The following TNKS2 variants were observed in gnomAD, a reference collection of about 807,000 sequenced individuals.
TNKS2 encodes the protein tankyrase 2.
A neutral mutation model predicts 137.6 loss-of-function variants in TNKS2; 72 were observed. The ratio of observed to expected loss-of-function variants is 0.52; its 90% CI spans 0.43 to 0.64. The LOEUF is 0.64. Ranked by LOEUF, TNKS2 falls within the 30% of genes least tolerant of loss-of-function variation. The pLI is 0.00. For missense variants in TNKS2, 1,049 were observed against 1,410.2 expected (o/e 0.74, Z 4.10); for synonymous variants, 516 against 512.1 (o/e 1.01, Z -0.10).
intron 16 of TNKS2, among the ~76,000 whole-genome samples, chr10:91,842,962 A>G (rs1395412631): frequency 6.6e-6 from 1 of 152,166 alleles, no homozygotes; most frequent in Non-Finnish European, 1.5e-5. Flanking sequence ...GGGAATCATT[A>G]TTCCAGGTAA....
intron 23 of TNKS2, 72 bp downstream of exon 23, chr10:91,855,760 T>A (rs1315594698): frequency 1.8e-6 from 2 of 1,124,186 alleles, no homozygotes; most frequent in South Asian, 2.8e-5. Flanking sequence ...GTAACTTTCA[T>A]AAGAATCTAA....
intron 19 of TNKS2, 45 bp downstream of exon 19, chr10:91,848,680 C>A (rs779141317): frequency 6.3e-7 from 1 of 1,593,300 alleles, no homozygotes; most frequent in Non-Finnish European, 8.5e-7. Flanking sequence ...TATTGTAGCC[C>A]CGTATTTGTC....
At chr10:91,860,891 C>T (rs1050288846) in intron 25 of TNKS2, among the ~76,000 whole-genome samples, 3 of 152,090 alleles carry the variant, frequency 2.0e-5, no homozygotes, top group Admixed American at 2.0e-4. Context: ...TTGAACACTG[C>T]TGTTTTTATT....
At chr10:91,851,364 C>T (rs372515078) in intron 21 of TNKS2, 28 bp downstream of exon 21, 152 of 1,603,362 alleles carry the variant, frequency 9.5e-5, no homozygotes, top group Non-Finnish European at 1.2e-4. Flanking sequence ...TTGCTGTTGT[C>T]AGTTTAACAG....
At chr10:91,799,574 A>G (rs138713475) in intron 1 of TNKS2, among the ~76,000 whole-genome samples, 58 of 152,376 alleles carry the variant, frequency 3.8e-4, no homozygotes, top group Middle Eastern at 3.4e-3. Context: ...GCTTGAATCT[A>G]GAATTTAAGT....
At chr10:91,822,200 TTAAG>T in intron 6 of TNKS2, 92 bp from the exon 7 acceptor site, 1 of 944,142 alleles carries the variant, frequency 1.1e-6, no homozygotes, top group Non-Finnish European at 1.6e-6. Context: ...CATTTGCTAT[TTAAG>T]TATAAGTAAT....
At chr10:91,844,805 C>A in intron 16 of TNKS2, 114 bp from the exon 17 acceptor site, 1 of 584,868 alleles carries the variant, frequency 1.7e-6, no homozygotes, top group Non-Finnish European at 2.9e-6. Flanking sequence ...CTTATAAATA[C>A]ATATATATAT....
At chr10:91,824,939 T>G (rs1017975551) in intron 7 of TNKS2, among the ~76,000 whole-genome samples, 2 of 152,168 alleles carry the variant, frequency 1.3e-5, no homozygotes, top group Admixed American at 1.3e-4. Flanking sequence ...TAAGTATAAA[T>G]TATAATGTGA....
intron 11 of TNKS2, among the ~76,000 whole-genome samples, chr10:91,832,562 A>C (rs1298294019): frequency 6.6e-6 from 1 of 151,556 alleles, no homozygotes; most frequent in Non-Finnish European, 1.5e-5. Flanking sequence ...TTTTAAATCC[A>C]TTTTTCAGGC....
intron 21 of TNKS2, among the ~76,000 whole-genome samples, chr10:91,853,899 A>G (rs949846337): frequency 6.6e-6 from 1 of 152,234 alleles, no homozygotes; most frequent in Non-Finnish European, 1.5e-5. Flanking sequence ...CTACATGGGA[A>G]AACAGCAGTG....
At chr10:91,860,710 C>T (rs891456622) in intron 25 of TNKS2, among the ~76,000 whole-genome samples, 7 of 152,124 alleles carry the variant, frequency 4.6e-5, no homozygotes, top group Non-Finnish European at 7.4e-5. Context: ...GAATTGCAGT[C>T]ATGGAGGGAA....
chr10:91,827,093 A>G lies in TNKS2; in HGVS notation c.872A>G (p.Glu291Gly). 1 of 1,611,634 alleles carries G rather than the reference A, an allele frequency of 6.2e-7. No individual in the cohort carries two copies. Among genetic ancestry groups the G allele is most frequent in the African/African-American group, 1.3e-5 (1 of 74,994 alleles). ...LHEAASKNRV[E>G]VCSLLLSYGA... Reference sequence around the variant, plus strand: ...GAGGCAGCTTCTAAGAACAGGGTTGAAGTATGTTCTCTTCTCTTAAGTTAT... The same window carrying G: ...GAGGCAGCTTCTAAGAACAGGGTTGGAGTATGTTCTCTTCTCTTAAGTTAT... The change falls in exon 8 of 27, where the codon GAA becomes GGA. Residue 291 changes from glutamate (E) to glycine (G), a missense_variant. Transcript: ENST00000371627.
chr10:91,853,305 A>G (rs1217979194), intron 21 of TNKS2, among the ~76,000 whole-genome samples: 2 of 152,248 alleles, frequency 1.3e-5, no homozygotes, highest in African/African-American at 4.8e-5. Context: ...TGATACATCC[A>G]GCTCCACTTG....
intron 11 of TNKS2, among the ~76,000 whole-genome samples, chr10:91,833,179 G>T (rs141580748): frequency 1.3e-5 from 2 of 152,164 alleles, no homozygotes; most frequent in Non-Finnish European, 1.5e-5. Flanking sequence ...CATGGCAGAA[G>T]TAGTGCACAG....
At chr10:91,823,257 T>TGTTTAACAAACA (rs1452667901) in intron 7 of TNKS2, among the ~76,000 whole-genome samples, 2 of 152,028 alleles carry the variant, frequency 1.3e-5, no homozygotes, top group Non-Finnish European at 2.9e-5. Flanking sequence ...GCTCAACAGC[T>TGTTTAACAAACA]GTTTAACAAA....
chr10:91,846,567 C>T (rs1033480647), intron 18 of TNKS2, among the ~76,000 whole-genome samples: 2 of 152,174 alleles, frequency 1.3e-5, no homozygotes, highest in African/African-American at 4.8e-5. Flanking sequence ...CTTGCCTCTA[C>T]CACTGAGGAC....
chr10:91,858,398 T>C (rs763851666), intron 24 of TNKS2, among the ~76,000 whole-genome samples: 23 of 152,190 alleles, frequency 1.5e-4, no homozygotes, highest in Non-Finnish European at 2.6e-4. Flanking sequence ...TTTTCTAATT[T>C]GTAATATAAA....
At chr10:91,839,268 C>T (rs1211557032) in intron 13 of TNKS2, among the ~76,000 whole-genome samples, 1 of 152,200 alleles carries the variant, frequency 6.6e-6, no homozygotes, top group African/African-American at 2.4e-5. Context: ...ACTTCCTCCT[C>T]TGAACCAAAG....
chr10:91,862,682 C>T (rs542803402), intron 26 of TNKS2, among the ~76,000 whole-genome samples: 3 of 152,098 alleles, frequency 2.0e-5, no homozygotes, highest in East Asian at 1.9e-4. Context: ...TCGGAATCAC[C>T]GCAGTTACTA....
Sources: gnomAD v4.1 joint callset for allele counts (sites outside exome capture counted in the v4.1 genomes callset) on GRCh38, gnomAD v4.1.1 for gene constraint, MANE v1.5 for transcripts, NCBI Gene and HGNC (gene_info 2026-07-23, HGNC 2026-07-21) for gene names.